The following CACNA2D3 variants were observed in gnomAD, a reference collection of about 807,000 sequenced individuals.
The protein encoded by CACNA2D3 is calcium voltage-gated channel auxiliary subunit alpha2delta 3.
Under a neutral mutation model 160.6 loss-of-function variants are expected in CACNA2D3, and 60 were observed. The observed-to-expected ratio is 0.37, with a 90% CI of 0.30 to 0.46. CACNA2D3 has a LOEUF of 0.46. Ranked by LOEUF, CACNA2D3 falls within the 20% of genes least tolerant of loss-of-function variation. The pLI, the probability that CACNA2D3 is intolerant of heterozygous loss-of-function variation, is 1.00. For missense variants in CACNA2D3, 1,205 were observed against 1,365.0 expected (o/e 0.88, Z 1.85); for synonymous variants, 558 against 492.9 (o/e 1.13, Z -1.75).
chr3:54,638,400 G>T (rs1437603608), intron 10 of CACNA2D3: 1 of 152,026 alleles, frequency 6.6e-6, no homozygotes, highest in Non-Finnish European at 1.5e-5. Context: ...TTGCTGGGCA[G>T]GTCGGGGAGG....
chr3:54,358,333 T>A (rs1559459876), intron 3 of CACNA2D3, among the ~76,000 whole-genome samples: 1 of 152,222 alleles, frequency 6.6e-6, no homozygotes, highest in Non-Finnish European at 1.5e-5. Context: ...ATTCATCCAG[T>A]TGTTTCTTTG....
At chr3:55,013,809 A>G (rs180685315) in intron 34 of CACNA2D3, among the ~76,000 whole-genome samples, 9 of 152,334 alleles carry the variant, frequency 5.9e-5, no homozygotes, top group Admixed American at 5.2e-4. Flanking sequence ...AAGAAGAGGA[A>G]GGCTTTTCAA....
intron 4 of CACNA2D3, among the ~76,000 whole-genome samples, chr3:54,451,790 A>G (rs181360658): frequency 4.5e-4 from 68 of 152,316 alleles, no homozygotes; most frequent in African/African-American, 1.5e-3. Flanking sequence ...CTTTGCTTTC[A>G]AATCATCTTC....
At chr3:54,914,006 A>T (rs1700611262) in intron 27 of CACNA2D3, among the ~76,000 whole-genome samples, 2 of 152,194 alleles carry the variant, frequency 1.3e-5, no homozygotes. Flanking sequence ...AATACTTAGT[A>T]TAATAATGTC....
intron 4 of CACNA2D3, among the ~76,000 whole-genome samples, chr3:54,500,857 A>G (rs983083320): frequency 6.6e-5 from 10 of 152,190 alleles, no homozygotes; most frequent in Non-Finnish European, 1.5e-4. Flanking sequence ...TTGTGCTGCT[A>G]CAACAGAATA....
At chr3:54,380,062 G>T (rs1023000161) in intron 3 of CACNA2D3, among the ~76,000 whole-genome samples, 1 of 152,182 alleles carries the variant, frequency 6.6e-6, no homozygotes, top group Non-Finnish European at 1.5e-5. Context: ...CTCAACACCA[G>T]AAGGAATGAA....
chr3:54,380,947 C>T (rs993400894), intron 3 of CACNA2D3, among the ~76,000 whole-genome samples: 7 of 152,220 alleles, frequency 4.6e-5, no homozygotes, highest in Admixed American at 3.3e-4. Context: ...GTTAACCCTT[C>T]GTGTAGCCCA....
intron 3 of CACNA2D3, among the ~76,000 whole-genome samples, chr3:54,360,919 G>A (rs1698730913): frequency 6.6e-6 from 1 of 151,912 alleles, no homozygotes; most frequent in Non-Finnish European, 1.5e-5. Flanking sequence ...TCATCCATAT[G>A]GCTTTAAAAA....
intron 35 of CACNA2D3, among the ~76,000 whole-genome samples, chr3:55,060,378 G>A (rs1452664156): frequency 6.6e-6 from 1 of 152,162 alleles, no homozygotes; most frequent in Admixed American, 6.5e-5. Flanking sequence ...TAGTCACGAT[G>A]ATGGTGGTGA....
intron 35 of CACNA2D3, among the ~76,000 whole-genome samples, chr3:55,063,240 C>G (rs914011611): frequency 4.6e-5 from 7 of 152,124 alleles, no homozygotes; most frequent in South Asian, 2.1e-4. Flanking sequence ...AAGGCAGAAT[C>G]ATAGGCCCTA....
At chr3:54,844,823 C>T (rs1230723110) in intron 16 of CACNA2D3, among the ~76,000 whole-genome samples, 1 of 152,160 alleles carries the variant, frequency 6.6e-6, no homozygotes, top group Non-Finnish European at 1.5e-5. Flanking sequence ...AAGTAATGTA[C>T]ATTAGAAGGT....
chr3:54,593,901 A>G (rs527940445), intron 9 of CACNA2D3, among the ~76,000 whole-genome samples: 1 of 152,332 alleles, frequency 6.6e-6, no homozygotes, highest in East Asian at 1.9e-4. Context: ...AGGCTACACA[A>G]GTGATCTAGG....
chr3:54,534,941 A>G (rs986594822), intron 5 of CACNA2D3, among the ~76,000 whole-genome samples: 2 of 152,168 alleles, frequency 1.3e-5, no homozygotes, highest in Admixed American at 6.5e-5. Flanking sequence ...AATAAACAAT[A>G]TAAGTAAAAT....
intron 4 of CACNA2D3, among the ~76,000 whole-genome samples, chr3:54,483,020 T>A (rs1700958384): frequency 1.3e-5 from 2 of 152,158 alleles, no homozygotes; most frequent in Admixed American, 1.3e-4. Flanking sequence ...CACCTTAACA[T>A]GTCGCAGGGG....
At chr3:54,314,894 C>A (rs1300638292) in intron 2 of CACNA2D3, among the ~76,000 whole-genome samples, 1 of 152,222 alleles carries the variant, frequency 6.6e-6, no homozygotes, top group Non-Finnish European at 1.5e-5. Flanking sequence ...ATAGTCATCG[C>A]TTCCATTTTT....
chr3:54,531,481 T>G (rs1701804798), intron 5 of CACNA2D3, among the ~76,000 whole-genome samples: 1 of 152,166 alleles, frequency 6.6e-6, no homozygotes, highest in African/African-American at 2.4e-5. Flanking sequence ...CCTCAGAAGA[T>G]TTTTTCCCCT....
intron 2 of CACNA2D3, among the ~76,000 whole-genome samples, chr3:54,281,295 T>C: frequency 6.6e-6 from 1 of 152,256 alleles, no homozygotes; most frequent in East Asian, 1.9e-4. Flanking sequence ...AAGGCATCAC[T>C]ATATTTTTAT....
Position 54,586,262 on chromosome 3 carries a change from C to CAAAAAAAAAAAAAAAAAAAAAAAAAA in CACNA2D3, c.963+4403_963+4404insAAAAAAAAAAAAAAAAAAAAAAAAAA, listed in dbSNP as rs34992866. 2.0e-5 allele frequency among the ~76,000 whole-genome samples: 2 copies of CAAAAAAAAAAAAAAAAAAAAAAAAAA among 101,330 alleles called. 1 individual carries two copies. The allele number at this position is 101,330 out of a possible 152,430, so 66.5% of individuals were successfully genotyped here. A position where few individuals can be genotyped will look rare whatever the true frequency, so the allele number is the denominator to read the frequency against. ...CTGGGCAATAGAGCGAGATCCATCTCAAAAAAAAAAAAAAAAAAGAAACTC... is the reference window on the plus strand; with the variant it reads ...CTGGGCAATAGAGCGAGATCCATCTCAAAAAAAAAAAAAAAAAAAAAAAAAAAAAAAAAAAAAAAAAAAAGAAACTC... On this transcript the variant is annotated intron_variant, in intron 9 of 37. Coordinates refer to ENST00000474759, the MANE Select transcript of CACNA2D3 (RefSeq NM_018398.3).
At chr3:54,632,291 CCT>C (rs1283712448) in intron 10 of CACNA2D3, 13 of 152,074 alleles carry the variant, frequency 8.5e-5, no homozygotes, top group African/African-American at 2.9e-4. Context: ...CTTCTTTTTT[CCT>C]CTCTTTCTTT....
Sources: allele counts gnomAD v4.1 joint callset (sites outside exome capture counted in the v4.1 genomes callset), GRCh38; gene constraint gnomAD v4.1.1; transcripts MANE v1.5; gene names NCBI Gene and HGNC (gene_info 2026-07-23, HGNC 2026-07-21).